The following ZBBX variants were observed in gnomAD, a reference collection of about 807,000 sequenced individuals.
The protein encoded by ZBBX is zinc finger B-box domain containing, also known as zinc finger B-box domain-containing protein 1.
In ZBBX, 101 loss-of-function variants were observed where a neutral mutation model predicts 108.5. The observed-to-expected ratio is 0.93, with a 90% confidence interval of 0.79 to 1.10. The LOEUF is 1.10. Among genes scored for constraint, ZBBX ranks in the 50% least tolerant of loss-of-function variants. The probability of loss-of-function intolerance (pLI) is 0.00; values close to 1 mark genes in which losing one functional copy is unlikely to be tolerated. For synonymous variants in ZBBX, 356 were observed against 323.4 expected (o/e 1.10, Z -1.08); for missense variants, 1,009 against 941.4 (o/e 1.07, Z -0.94).
At chr3:167,355,593 C>A (rs1743431283) in intron 8 of ZBBX, among the ~76,000 whole-genome samples, 1 of 151,480 alleles carries the variant, frequency 6.6e-6, no homozygotes, top group African/African-American at 2.4e-5. Flanking sequence ...TTCATATATA[C>A]ACATATGTGG....
At chr3:167,292,906 A>T (rs1309363121) in intron 18 of ZBBX, among the ~76,000 whole-genome samples, 1 of 152,234 alleles carries the variant, frequency 6.6e-6, no homozygotes, top group Non-Finnish European at 1.5e-5. Context: ...CTACCATCAG[A>T]GAATACTATA....
At chr3:167,402,335 T>C (rs946957303) in intron 1 of ZBBX, among the ~76,000 whole-genome samples, 1 of 152,198 alleles carries the variant, frequency 6.6e-6, no homozygotes, top group South Asian at 2.1e-4. Context: ...TAGCCCTTCC[T>C]TGGAAAACTG....
chr3:167,180,314 T>G, the ZBBX span, among the ~76,000 whole-genome samples: 1 of 152,226 alleles, frequency 6.6e-6, no homozygotes, highest in African/African-American at 2.4e-5. Flanking sequence ...TAAGTAGGAA[T>G]GCCTAGAGCA....
At chr3:167,373,524 A>G (rs1265982550) in intron 3 of ZBBX, among the ~76,000 whole-genome samples, 182 bp downstream of exon 3, 1 of 152,228 alleles carries the variant, frequency 6.6e-6, no homozygotes, top group Non-Finnish European at 1.5e-5. Flanking sequence ...ATCTGTGTAC[A>G]ACTTCTAATT....
At chr3:167,234,156 G>A in the ZBBX span, among the ~76,000 whole-genome samples, 1 of 151,698 alleles carries the variant, frequency 6.6e-6, no homozygotes, top group Non-Finnish European at 1.5e-5. Context: ...AGAATAGTGA[G>A]GCTTTATCTC....
intron 1 of ZBBX, among the ~76,000 whole-genome samples, chr3:167,397,437 T>C (rs890576379): frequency 6.6e-6 from 1 of 152,000 alleles, no homozygotes; most frequent in African/African-American, 2.4e-5. Context: ...ACTTTTTTCT[T>C]TTTCATGTCA....
At chr3:167,391,693 C>T (rs1270367209) in intron 1 of ZBBX, among the ~76,000 whole-genome samples, 2 of 151,620 alleles carry the variant, frequency 1.3e-5, no homozygotes, top group African/African-American at 2.4e-5. Context: ...TTGGTCTGTA[C>T]TGTAAATAAA....
Position 167,300,604 on chromosome 3 carries a change from C to CA in ZBBX, c.1726-2147dup, listed in dbSNP as rs1560092527. Among the ~76,000 whole-genome samples the CA allele has an allele frequency of 2.0e-5, 3 of 150,194 alleles. 1 individual carries two copies. Among genetic ancestry groups the CA allele is most frequent in the African/African-American group, 7.4e-5 (3 of 40,376 alleles). On this transcript the variant is annotated intron_variant, in intron 17 of 21. Coordinates refer to ENST00000675490, the MANE Select transcript of ZBBX (RefSeq NM_001199201.2). ...ACACACACATTCCCATCTCCCCCAC[C>CA]AACCCTTTTTTTTTTTTTTTACGAG... is the stretch of plus-strand genomic sequence containing the variant.
At chr3:167,330,939 C>T (rs1738456598) in intron 10 of ZBBX, among the ~76,000 whole-genome samples, 1 of 97,846 alleles carries the variant, frequency 1.0e-5, no homozygotes, top group Non-Finnish European at 2.2e-5. Context: ...TCTCTCCTCT[C>T]TTTCTTTCTC....
intron 17 of ZBBX, among the ~76,000 whole-genome samples, chr3:167,300,695 C>T (rs577543187): frequency 2.6e-5 from 4 of 151,368 alleles, no homozygotes; most frequent in East Asian, 1.9e-4. Context: ...CTATAACCTC[C>T]GCCTCCCGGG....
chr3:167,243,748 CTTTT>C (rs148483655), intron 20 of ZBBX, among the ~76,000 whole-genome samples: 883 of 70,906 alleles, frequency 0.012, 8 homozygotes, highest in South Asian at 0.021. Flanking sequence ...GTGGACTTGA[CTTTT>C]TTTTTTTTTT....
chr3:167,387,797 A>T (rs1689103448), intron 1 of ZBBX, among the ~76,000 whole-genome samples: 1 of 151,978 alleles, frequency 6.6e-6, no homozygotes. Flanking sequence ...TCAAAATCTT[A>T]TCAATGGACT....
the ZBBX span, among the ~76,000 whole-genome samples, chr3:167,224,714 ATAAAT>A: frequency 6.6e-6 from 1 of 151,990 alleles, no homozygotes; most frequent in Non-Finnish European, 1.5e-5. Context: ...ATAGTATGAC[ATAAAT>A]TAAATATACA....
intron 20 of ZBBX, among the ~76,000 whole-genome samples, chr3:167,269,891 A>C (rs564189445): frequency 6.6e-6 from 1 of 152,328 alleles, no homozygotes; most frequent in East Asian, 1.9e-4. Context: ...CCCTAGCTGA[A>C]GATAGCTGAG....
At chr3:167,251,128 G>T (rs1722519439) in intron 20 of ZBBX, among the ~76,000 whole-genome samples, 2 of 152,172 alleles carry the variant, frequency 1.3e-5, no homozygotes, top group African/African-American at 2.4e-5. Flanking sequence ...GCAGTTGGAG[G>T]AGAGCTGGGG....
rs115338575 is a variant in ZBBX at position 167,351,216 on chromosome 3, T to C, written c.433-701A>G. Among the ~76,000 whole-genome samples the C allele has an allele frequency of 5.1e-3, 776 of 152,268 alleles. 6 individuals carry two copies. The highest frequency in any genetic ancestry group is 0.018 in the African/African-American group (745 of 41,560). On this transcript the variant is annotated intron_variant, in intron 8 of 21. Coordinates refer to ENST00000675490, the MANE Select transcript of ZBBX (RefSeq NM_001199201.2). ...CAAATTATGATGTTTAAAAATGTAA[T>C]TTTAAAATTGTTGGACAAGTTAAAT...
At chr3:167,317,351 C>T in intron 13 of ZBBX, 137 bp downstream of exon 13, 1 of 700,298 alleles carries the variant, frequency 1.4e-6, no homozygotes, top group Non-Finnish European at 2.2e-6. Flanking sequence ...ACATGATTTT[C>T]ATCTAAAGAG....
intron 8 of ZBBX, among the ~76,000 whole-genome samples, chr3:167,350,785 G>A (rs1742511954): frequency 6.6e-6 from 1 of 151,792 alleles, no homozygotes; most frequent in African/African-American, 2.4e-5. Flanking sequence ...TGTAGGTTTG[G>A]GGTGTATATT....
At chr3:167,368,228 A>G (rs1745636261) in intron 5 of ZBBX, among the ~76,000 whole-genome samples, 1 of 151,810 alleles carries the variant, frequency 6.6e-6, no homozygotes. Flanking sequence ...AGAAAGGATA[A>G]GACCCAATAA....
Sources: allele counts gnomAD v4.1 joint callset (sites outside exome capture counted in the v4.1 genomes callset), GRCh38; gene constraint gnomAD v4.1.1; transcripts MANE v1.5; gene names NCBI Gene and HGNC (gene_info 2026-07-23, HGNC 2026-07-21).